The following ZNF736 variants were observed in gnomAD, a reference collection of about 807,000 sequenced individuals.
The protein encoded by ZNF736 is KRAB-containing zinc-finger repressor protein.
A neutral mutation model predicts 11.7 loss-of-function variants in ZNF736; 6 were observed. That is an observed-to-expected ratio of 0.51 (90% CI 0.28 to 1.01). The LOEUF is 1.01. ZNF736 is among the 50% of genes least tolerant of loss of function. The pLI, the probability that ZNF736 is intolerant of heterozygous loss-of-function variation, is 0.09. For synonymous variants in ZNF736, 139 were observed against 164.7 expected, an observed-to-expected ratio of 0.84 and a Z score of 1.19; for missense variants, 444 against 496.0, an observed-to-expected ratio of 0.90 and a Z score of 1.00.
chr7:64,327,963 G>C (rs377162530), intron 1 of ZNF736, among the ~76,000 whole-genome samples: 2 of 152,136 alleles, frequency 1.3e-5, no homozygotes, highest in East Asian at 3.9e-4. Flanking sequence ...GTAGAAATAT[G>C]AGTTATGGCC....
chr7:64,320,026 A>T (rs1788982129), intron 1 of ZNF736, among the ~76,000 whole-genome samples: 1 of 152,212 alleles, frequency 6.6e-6, no homozygotes, highest in South Asian at 2.1e-4. Context: ...ACAAAACAAC[A>T]AAAGTTTCTA....
chr7:64,335,655 T>G, intron 1 of ZNF736, among the ~76,000 whole-genome samples: 1 of 152,260 alleles, frequency 6.6e-6, no homozygotes, highest in Non-Finnish European at 1.5e-5. Flanking sequence ...CTCTTCTTTC[T>G]TCCTACCTTC....
At chr7:64,328,999 C>G (rs1457272827) in intron 1 of ZNF736, among the ~76,000 whole-genome samples, 1 of 150,688 alleles carries the variant, frequency 6.6e-6, no homozygotes, top group Non-Finnish European at 1.5e-5. Context: ...GTTCAAATAA[C>G]CTGTGTTCAA....
chr7:64,325,273 C>T (rs372581370), intron 1 of ZNF736, among the ~76,000 whole-genome samples: 44 of 152,150 alleles, frequency 2.9e-4, no homozygotes, highest in South Asian at 1.9e-3. Flanking sequence ...ATTTGTTTTT[C>T]GCCTGTAGAA....
intron 1 of ZNF736, among the ~76,000 whole-genome samples, chr7:64,332,635 A>G (rs1789186725): frequency 6.6e-6 from 1 of 152,136 alleles, no homozygotes; most frequent in Non-Finnish European, 1.5e-5. Flanking sequence ...TCCCCACCCT[A>G]GTAAGCCTGA....
rs762523484 is a variant in ZNF736 at position 64,349,002 on chromosome 7, G to A, written c.1139G>A (p.Cys380Tyr). Reference protein sequence around the residue: ...KCEECSKTFKCFSDLTNHKRI... With the variant: ...KCEECSKTFKYFSDLTNHKRI... The stretch of plus-strand genomic sequence containing the variant: ...GAAGAATGCAGCAAAACCTTTAAGT[G>A]CTTCTCAGACCTGACTAATCATAAG... The change falls in exon 4 of 4, where the codon TGC becomes TAC. Residue 380 changes from cysteine to tyrosine, a missense_variant. Coordinates refer to ENST00000423484, the MANE Select transcript of ZNF736 (RefSeq NM_001170905.3). The A allele has an allele frequency of 6.3e-6, 10 of 1,593,418 alleles. No individual in the cohort carries two copies. Among genetic ancestry groups the A allele is most frequent in the African/African-American group, 4.0e-5 (3 of 74,086 alleles).
intron 3 of ZNF736, among the ~76,000 whole-genome samples, chr7:64,338,733 A>G (rs549972224): frequency 6.7e-6 from 1 of 150,248 alleles, no homozygotes; most frequent in Admixed American, 6.6e-5. Flanking sequence ...TTTTTTGTGC[A>G]GTCAGTTTCC....
intron 1 of ZNF736, 32 bp downstream of exon 1, chr7:64,314,185 G>T (rs578016604): frequency 1.3e-6 from 2 of 1,551,554 alleles, no homozygotes; most frequent in Admixed American, 2.0e-5. Flanking sequence ...CCCGAGAATG[G>T]GGAAGAGGCT....
At chr7:64,346,568 G>C (rs1363407619) in intron 3 of ZNF736, among the ~76,000 whole-genome samples, 1 of 151,870 alleles carries the variant, frequency 6.6e-6, no homozygotes, top group East Asian at 1.9e-4. Flanking sequence ...TCTTGCAGAA[G>C]CATGCATATA....
At chr7:64,334,298 G>A (rs942502422) in intron 1 of ZNF736, among the ~76,000 whole-genome samples, 3 of 152,166 alleles carry the variant, frequency 2.0e-5, no homozygotes, top group Non-Finnish European at 2.9e-5. Flanking sequence ...TGACAAATGG[G>A]ATCTAATTAA....
intron 1 of ZNF736, among the ~76,000 whole-genome samples, chr7:64,334,445 C>T (rs1341215299): frequency 6.6e-6 from 1 of 151,986 alleles, no homozygotes; most frequent in African/African-American, 2.4e-5. Flanking sequence ...AATAAATTTA[C>T]AAGAAAAAAG....
intron 1 of ZNF736, among the ~76,000 whole-genome samples, chr7:64,328,096 T>TTGCC (rs1554303844): frequency 6.6e-6 from 1 of 151,886 alleles, no homozygotes; most frequent in East Asian, 1.9e-4. Flanking sequence ...AATTTTGTCT[T>TTGCC]TGTGTCCTTC....
At position 64,355,615 on chromosome 7, in the gene ZNF736, C is replaced by CTCAT. The variant is rs1789543692; in HGVS notation, c.*6469_*6472dup. On this transcript the variant is annotated 3_prime_UTR_variant, in exon 4 of 4. Coordinates refer to ENST00000423484, the MANE Select transcript of ZNF736 (RefSeq NM_001170905.3). ...GCTAGGATGGTCTTGATCTCCTGAC[C>CTCAT]TCATGATCCACCCACCTCAGCCTTC... is the stretch of plus-strand genomic sequence containing the variant. 1 of 152,186 alleles carries CTCAT rather than the reference C, an allele frequency of 6.6e-6. No individual in the cohort carries two copies. The highest frequency in any genetic ancestry group is 1.5e-5 in the Non-Finnish European group (1 of 68,066). 9.4% of individuals were successfully genotyped at this position (152,186 alleles called of 1,614,324 possible). A position where few individuals can be genotyped will look rare whatever the true frequency, so the allele number is the denominator to read the frequency against.
chr7:64,346,695 T>G (rs1210961220), intron 3 of ZNF736, among the ~76,000 whole-genome samples: 3 of 152,110 alleles, frequency 2.0e-5, no homozygotes, highest in Non-Finnish European at 2.9e-5. Context: ...TAGTTGAAGT[T>G]TGCTGAGCTT....
intron 1 of ZNF736, among the ~76,000 whole-genome samples, chr7:64,325,233 C>T (rs1789067668): frequency 1.3e-5 from 2 of 151,846 alleles, no homozygotes; most frequent in South Asian, 4.2e-4. Flanking sequence ...TTAAGCCAGC[C>T]TTGTATAGAA....
At position 64,314,123 on chromosome 7, in the gene ZNF736, G is replaced by T. The variant is rs1430849977; in HGVS notation, c.-28G>T. ...GCAGGTACTGGGAGATCCATAGGGA[G>T]GACGGCGGAACATCTGGAGGCTGGG... On this transcript the variant is annotated 5_prime_UTR_variant, in exon 1 of 4. In the 5' UTR this introduces an upstream ATG that the reference lacks. Transcript: ENST00000423484. 1.9e-6 allele frequency: 3 copies of T among 1,551,950 alleles called. No homozygotes were observed. The highest frequency in any genetic ancestry group is 2.6e-6 in the Non-Finnish European group (3 of 1,147,208).
At chr7:64,323,046 C>T (rs534640063) in intron 1 of ZNF736, among the ~76,000 whole-genome samples, 82 of 152,164 alleles carry the variant, frequency 5.4e-4, no homozygotes, top group Non-Finnish European at 1.3e-4. Context: ...TTCTTTTTTT[C>T]CTTATCTTGC....
Position 64,350,650 on chromosome 7 carries a change from A to G in ZNF736, c.*1503A>G, listed in dbSNP as rs1273500492. On this transcript the variant is annotated 3_prime_UTR_variant, in exon 4 of 4. Transcript: ENST00000423484. ...CTGATTGTGTCTTATCTTTGTGGGC[A>G]TATCTTTGAGGTTGCTGACCTTTGG... 2.7e-5 allele frequency: 4 copies of G among 147,048 alleles called. No individual in the cohort carries two copies. The highest frequency in any genetic ancestry group is 7.5e-5 in the African/African-American group (3 of 40,062). 9.1% of individuals were successfully genotyped at this position (147,048 alleles called of 1,614,324 possible).
In ZNF736 at chr7:64,348,902, G is replaced by C. The variant is rs766381214; in HGVS notation, c.1039G>C (p.Gly347Arg). ...GAAACCCTACATCTGTGAAGAATGT[G>C]GCAAAGCCTTTACCCGCTCCTCAAC... ...GEKPYICEEC[G>R]KAFTRSSTLF... The change falls in exon 4 of 4, where the codon GGC becomes CGC. Residue 347 changes from glycine (G) to arginine (R), a missense_variant. By Grantham distance (125) the Gly-to-Arg change is moderately radical. Coordinates refer to ENST00000423484, the MANE Select transcript of ZNF736 (RefSeq NM_001170905.3). 46 of 1,608,410 alleles carry C rather than the reference G, an allele frequency of 2.9e-5. No individual in the cohort carries two copies. The highest frequency in any genetic ancestry group is 3.9e-5 in the Non-Finnish European group (46 of 1,177,234).
Sources: allele counts gnomAD v4.1 joint callset (sites outside exome capture counted in the v4.1 genomes callset), GRCh38; gene constraint gnomAD v4.1.1; transcripts MANE v1.5; gene names NCBI Gene and HGNC (gene_info 2026-07-23, HGNC 2026-07-21).